The following SYNRG variants were observed in gnomAD, a reference collection of about 807,000 sequenced individuals.
The protein encoded by SYNRG is AP1 gamma subunit binding protein 1.
In SYNRG, 37 loss-of-function variants were observed where a neutral mutation model predicts 130.9. The ratio of observed to expected loss-of-function variants is 0.28; its 90% CI spans 0.22 to 0.37. The LOEUF (loss-of-function observed/expected upper bound fraction) is 0.37. SYNRG is among the 10% of genes least tolerant of loss of function. SYNRG has a pLI of 1.00. For synonymous variants in SYNRG, 539 were observed against 568.1 expected, an observed-to-expected ratio of 0.95 and a Z score of 0.73; for missense variants, 1,338 against 1,588.9, an observed-to-expected ratio of 0.84 and a Z score of 2.68.
At chr17:37,570,092 T>C (rs1341832844) in intron 10 of SYNRG, among the ~76,000 whole-genome samples, 2 of 151,670 alleles carry the variant, frequency 1.3e-5, no homozygotes, top group Non-Finnish European at 2.9e-5. Context: ...ATTCTTGGGA[T>C]AGATTTCTAA....
chr17:37,554,269 G>C (rs567247704), intron 13 of SYNRG, among the ~76,000 whole-genome samples: 5 of 152,104 alleles, frequency 3.3e-5, no homozygotes, highest in Non-Finnish European at 7.4e-5. Flanking sequence ...AAATCGAACT[G>C]AAAGTACCTG....
rs1400229336 is a variant in SYNRG at position 37,514,832 on chromosome 17, G to C, written c.*4108C>G. The C allele has an allele frequency of 2.6e-5, 4 of 152,272 alleles. No homozygotes were observed. Among genetic ancestry groups the C allele is most frequent in the Non-Finnish European group, 5.9e-5 (4 of 68,030 alleles). 9.4% of individuals were successfully genotyped at this position (152,272 alleles called of 1,614,324 possible). ...TTCTTCTACACTTGTATTTTGGTTAGAGAAGTTTAACAAGGGGTGATTTCA... is the reference window on the plus strand; with the variant it reads ...TTCTTCTACACTTGTATTTTGGTTACAGAAGTTTAACAAGGGGTGATTTCA... On this transcript the variant is annotated 3_prime_UTR_variant, in exon 22 of 22. Transcript: ENST00000612223.
chr17:37,570,040 T>C (rs1293164333), intron 10 of SYNRG, among the ~76,000 whole-genome samples: 1 of 152,184 alleles, frequency 6.6e-6, no homozygotes, highest in African/African-American at 2.4e-5. Context: ...CAAACAATGT[T>C]ACAACAAAAA....
At chr17:37,557,992 T>C (rs1465217496) in intron 13 of SYNRG, among the ~76,000 whole-genome samples, 1 of 152,238 alleles carries the variant, frequency 6.6e-6, no homozygotes, top group African/African-American at 2.4e-5. Flanking sequence ...TGTTAAACCA[T>C]GTGCTCTTTA....
chr17:37,565,701 A>T (rs1433759793), intron 11 of SYNRG, among the ~76,000 whole-genome samples: 1 of 134,874 alleles, frequency 7.4e-6, no homozygotes, highest in Admixed American at 7.3e-5. Flanking sequence ...CCGCCGCCCC[A>T]TCTGGGATGT....
At position 37,540,474 on chromosome 17, in the gene SYNRG, T is replaced by C; in HGVS notation, c.3272A>G (p.Glu1091Gly). ...ISRSSPSPAL[E>G]QPFRDRSNTL... ...ATTGGAACGGTCTCTGAAAGGCTGC[T>C]CCAAAGCTGGAGAAGGAGAAGAACG... The change falls in exon 16 of 22, where the codon GAG becomes GGG. Residue 1091 changes from glutamate (E) to glycine (G), a missense_variant. Physicochemically the swap from Glu to Gly is moderately conservative, Grantham distance 98. Coordinates refer to ENST00000612223, the MANE Select transcript of SYNRG (RefSeq NM_007247.6). The C allele has an allele frequency of 6.2e-7, 1 of 1,613,998 alleles. No individual in the cohort carries two copies. Among genetic ancestry groups the C allele is most frequent in the Admixed American group, 1.7e-5 (1 of 59,988 alleles).
At position 37,518,998 on chromosome 17, in the gene SYNRG, A is replaced by C. The variant is rs774541875; in HGVS notation, c.3887T>G (p.Phe1296Cys). 3.1e-6 allele frequency: 5 copies of C among 1,614,254 alleles called. No homozygotes were observed. Among genetic ancestry groups the C allele is most frequent in the Non-Finnish European group, 4.2e-6 (5 of 1,180,046 alleles). Reference sequence around the variant, plus strand: ...CTTTGGTTCGACACAGTTGATCCAGAAGTTGGCACAGCTGGCGTGATACTG... The same window carrying C: ...CTTTGGTTCGACACAGTTGATCCAGCAGTTGGCACAGCTGGCGTGATACTG... Reference protein sequence around the residue: ...GHQYHASCANFWINCVEPKPP... With the variant: ...GHQYHASCANCWINCVEPKPP... Residue 1296 changes from phenylalanine to cysteine, a missense_variant, in exon 22 of 22, where the codon TTC (phenylalanine) becomes TGC (cysteine). By Grantham distance (205) the Phe-to-Cys change is radical. Transcript: ENST00000612223.
intron 13 of SYNRG, among the ~76,000 whole-genome samples, chr17:37,558,520 CTT>C (rs1193047021): frequency 6.6e-6 from 1 of 152,176 alleles, no homozygotes; most frequent in Non-Finnish European, 1.5e-5. Flanking sequence ...ACAAACATAA[CTT>C]TCAGTTTTTA....
chr17:37,565,581 T>C (rs1382735904), intron 11 of SYNRG, among the ~76,000 whole-genome samples: 3 of 133,550 alleles, frequency 2.2e-5, no homozygotes, highest in Admixed American at 7.6e-5. Context: ...CCGGCCGCCA[T>C]CCCATCTAGG....
intron 1 of SYNRG, among the ~76,000 whole-genome samples, chr17:37,606,814 G>C (rs1227619466): frequency 2.0e-5 from 3 of 152,046 alleles, no homozygotes; most frequent in Non-Finnish European, 4.4e-5. Context: ...AGAATATAGA[G>C]AAGTATCTAA....
chr17:37,524,944 C>A (rs769640785), intron 19 of SYNRG, among the ~76,000 whole-genome samples: 11 of 152,128 alleles, frequency 7.2e-5, no homozygotes, highest in South Asian at 2.1e-4. Context: ...TGAAATCAAT[C>A]AAATTAATAG....
rs758534762 is a variant in SYNRG at position 37,596,231 on chromosome 17, C to T, written c.232G>A (p.Ala78Thr). The change falls in exon 3 of 22, where the codon GCT (alanine) becomes ACT (threonine). Residue 78 changes from alanine (A) to threonine (T), a missense_variant. Ala to Thr is a moderately conservative substitution (Grantham distance 58). Transcript: ENST00000612223. ...YSSQMSQGPI[A>T]MQAGIPMGPM... Reference sequence around the variant, plus strand: ...ACTAAAGAAGCAAGTACCTGCATAGCAATAGGTCCTTGGGACATCTGAGAG... The same window carrying T: ...ACTAAAGAAGCAAGTACCTGCATAGTAATAGGTCCTTGGGACATCTGAGAG... 3.1e-6 allele frequency: 5 copies of T among 1,613,892 alleles called. No homozygotes were observed. In the South Asian group the frequency reaches 5.5e-5, roughly 18 times the overall value.
chr17:37,585,469 G>A (rs2061623596), intron 4 of SYNRG, 39 bp from the exon 5 acceptor site: 2 of 1,381,944 alleles, frequency 1.4e-6, no homozygotes, highest in Non-Finnish European at 2.0e-6. Context: ...CAGCTCCCGG[G>A]ATTATACACT....
At chr17:37,554,403 A>G (rs2058945516) in intron 13 of SYNRG, among the ~76,000 whole-genome samples, 1 of 152,180 alleles carries the variant, frequency 6.6e-6, no homozygotes, top group African/African-American at 2.4e-5. Context: ...CCAAGCAGAC[A>G]ATACAATAAG....
intron 19 of SYNRG, among the ~76,000 whole-genome samples, chr17:37,523,149 A>G (rs1348646852): frequency 1.3e-5 from 2 of 152,118 alleles, no homozygotes; most frequent in African/African-American, 4.8e-5. Context: ...CTGCAAGTTT[A>G]TATCATTTGT....
chr17:37,550,556 G>C (rs1158387377), intron 14 of SYNRG, among the ~76,000 whole-genome samples: 1 of 152,094 alleles, frequency 6.6e-6, no homozygotes, highest in Non-Finnish European at 1.5e-5. Flanking sequence ...TCACAAAAGA[G>C]AGTGATACAG....
intron 1 of SYNRG, among the ~76,000 whole-genome samples, chr17:37,606,770 T>C (rs1271393707): frequency 2.6e-5 from 4 of 152,178 alleles, no homozygotes; most frequent in African/African-American, 9.7e-5. Context: ...AATATTAAAT[T>C]TGGAAAACGT....
chr17:37,554,850 T>C (rs958560558), intron 13 of SYNRG, among the ~76,000 whole-genome samples: 1 of 152,166 alleles, frequency 6.6e-6, no homozygotes, highest in African/African-American at 2.4e-5. Context: ...TTTGAATAAA[T>C]ACCAACTCTA....
In SYNRG at chr17:37,592,123, T is replaced by G. The variant is rs1460129497; in HGVS notation, c.240+4100A>C. 2.0e-5 allele frequency among the ~76,000 whole-genome samples: 3 copies of G among 151,988 alleles called. No homozygotes were observed. In the East Asian group the frequency reaches 5.8e-4, roughly 29 times the overall value. ...CAATAGTAATACCAAAAAATGCAAT[T>G]AGAAAATGGTCAGAAGCTATGAAAA... is the stretch of plus-strand genomic sequence containing the variant. On this transcript the variant is annotated intron_variant, in intron 3 of 21. Coordinates refer to ENST00000612223, the MANE Select transcript of SYNRG (RefSeq NM_007247.6).
Sources: gnomAD v4.1 joint callset for allele counts (sites outside exome capture counted in the v4.1 genomes callset) on GRCh38, gnomAD v4.1.1 for gene constraint, MANE v1.5 for transcripts, NCBI Gene and HGNC (gene_info 2026-07-23, HGNC 2026-07-21) for gene names.